The following TRAK1 variants were observed in gnomAD, a reference collection of about 807,000 sequenced individuals.
TRAK1 encodes the protein trafficking kinesin-binding protein 1.
A neutral mutation model predicts 92.1 loss-of-function variants in TRAK1; 33 were observed. The ratio of observed to expected loss-of-function variants is 0.36; its 90% CI spans 0.27 to 0.48. The LOEUF is 0.48. TRAK1 is among the 20% of genes least tolerant of loss of function. The pLI is 0.99. For synonymous variants in TRAK1, 521 were observed against 517.3 expected (o/e 1.01, Z -0.10); for missense variants, 1,123 against 1,257.9 (o/e 0.89, Z 1.62).
intron 2 of TRAK1, among the ~76,000 whole-genome samples, chr3:42,138,724 T>TA (rs56107300): frequency 0.36 from 47,712 of 133,066 alleles, 8,478 homozygotes; most frequent in Admixed American, 0.44. Flanking sequence ...CCATATCTAT[T>TA]AAAAAAAAAA....
intron 1 of TRAK1, among the ~76,000 whole-genome samples, chr3:42,041,137 T>A (rs1231174003): frequency 7.8e-6 from 1 of 128,936 alleles, no homozygotes. Context: ...TAATTTATGC[T>A]TAAAAAAAAA....
intron 7 of TRAK1, 80 bp from the exon 8 acceptor site, chr3:42,192,995 A>G (rs1220072577): frequency 6.4e-7 from 1 of 1,561,412 alleles, no homozygotes. Flanking sequence ...TCTTGTGCAA[A>G]CCACAAAGAA....
In TRAK1 at chr3:42,160,273, G is replaced by A. The variant is rs1309536703; in HGVS notation, c.287-16541G>A. 4.5e-6 allele frequency: 7 copies of A among 1,567,806 alleles called. No individual in the cohort carries two copies. The East Asian group carries it at 9.0e-5, about 20-fold the overall frequency. ...CGCAGTGTGTGCCCTGGGGGCCCAGGCCTGCATGGCTCCTCTGGGTAGGGG... is the reference window on the plus strand; with the variant it reads ...CGCAGTGTGTGCCCTGGGGGCCCAGACCTGCATGGCTCCTCTGGGTAGGGG... On this transcript the variant is annotated intron_variant, in intron 2 of 15. Transcript: ENST00000327628.
intron 14 of TRAK1, chr3:42,219,213 C>G (rs975033561): frequency 1.0e-6 from 1 of 985,176 alleles, no homozygotes; most frequent in Non-Finnish European, 1.2e-6. Flanking sequence ...CCTCCCACCC[C>G]CAGACTGGAT....
chr3:42,121,551 G>A (rs58280347), intron 1 of TRAK1, among the ~76,000 whole-genome samples: 1 of 152,114 alleles, frequency 6.6e-6, no homozygotes, highest in Non-Finnish European at 1.5e-5. Flanking sequence ...GAGCCACTGC[G>A]CCTGGCCTCC....
At chr3:42,216,858 A>G (rs1709755067) in intron 14 of TRAK1, among the ~76,000 whole-genome samples, 1 of 152,222 alleles carries the variant, frequency 6.6e-6, no homozygotes, top group South Asian at 2.1e-4. Context: ...TCAGGTTGAG[A>G]GAAAGAATAA....
At chr3:42,154,967 G>A (rs1330046199) in intron 2 of TRAK1, among the ~76,000 whole-genome samples, 1 of 152,006 alleles carries the variant, frequency 6.6e-6, no homozygotes, top group Admixed American at 6.6e-5. Context: ...TGAGGGTATA[G>A]CAGAGGAAAA....
chr3:42,090,879 C>T (rs575100798), upstream of TRAK1, among the ~76,000 whole-genome samples: 5 of 152,210 alleles, frequency 3.3e-5, no homozygotes, highest in South Asian at 4.1e-4. Context: ...CACTCTTATG[C>T]GTTTAAGGGA....
chr3:42,075,749 G>C (rs1291451713), intron 1 of TRAK1, among the ~76,000 whole-genome samples: 6 of 152,130 alleles, frequency 3.9e-5, no homozygotes, highest in African/African-American at 1.4e-4. Flanking sequence ...TAGTGATGTT[G>C]AGCTTTTTTT....
chr3:42,205,107 G>A (rs1708178214), intron 13 of TRAK1, among the ~76,000 whole-genome samples: 1 of 152,176 alleles, frequency 6.6e-6, no homozygotes, highest in African/African-American at 2.4e-5. Context: ...CATCAGACCA[G>A]ACTGTGGTGA....
intron 1 of TRAK1, among the ~76,000 whole-genome samples, chr3:42,040,196 CTTAT>C (rs963908644): frequency 2.6e-5 from 4 of 151,886 alleles, no homozygotes; most frequent in African/African-American, 7.3e-5. Context: ...TTAATGAAGT[CTTAT>C]TTATTTATTT....
At chr3:42,020,376 T>C (rs1477672421) in intron 1 of TRAK1, among the ~76,000 whole-genome samples, 2 of 152,234 alleles carry the variant, frequency 1.3e-5, no homozygotes, top group Admixed American at 6.5e-5. Context: ...TGTGCCTGTT[T>C]TGGGCTTCAT....
chr3:42,090,522 C>T (rs1704961902), upstream of TRAK1, among the ~76,000 whole-genome samples: 1 of 152,160 alleles, frequency 6.6e-6, no homozygotes, highest in Admixed American at 6.5e-5. Context: ...CCCGTCTCTA[C>T]TAAAAATATA....
intron 10 of TRAK1, among the ~76,000 whole-genome samples, chr3:42,195,969 G>A (rs576647875): frequency 6.9e-4 from 105 of 152,092 alleles, no homozygotes; most frequent in Non-Finnish European, 1.2e-3. Flanking sequence ...AGCTCCTGGC[G>A]CTGTCTTGTT....
rs554611668 is a variant in TRAK1, at chr3:42,148,482, T to A, written c.286+22868T>A. 3.9e-5 allele frequency among the ~76,000 whole-genome samples: 6 copies of A among 152,342 alleles called. No homozygotes were observed. In the South Asian group the frequency reaches 1.2e-3, roughly 32 times the overall value. Reference sequence around the variant, plus strand: ...TAGAACTAATATTAACTGTATTTTTTAAGGAAATAAAACATATGGGTGCAT... The same window carrying A: ...TAGAACTAATATTAACTGTATTTTTAAAGGAAATAAAACATATGGGTGCAT... On this transcript the variant is annotated intron_variant, in intron 2 of 15. Transcript: ENST00000327628.
chr3:42,118,322 C>T (rs949502380), intron 1 of TRAK1, among the ~76,000 whole-genome samples: 6 of 151,536 alleles, frequency 4.0e-5, no homozygotes, highest in African/African-American at 1.5e-4. Context: ...GAACTCCTGA[C>T]CTCAAGTGAT....
intron 1 of TRAK1, among the ~76,000 whole-genome samples, chr3:42,016,113 G>C (rs974375907): frequency 1.3e-5 from 2 of 152,080 alleles, no homozygotes; most frequent in African/African-American, 2.4e-5. Context: ...ACATTGAATG[G>C]AGTTCTTAAA....
At chr3:42,074,629 T>A (rs2148942078) in intron 1 of TRAK1, among the ~76,000 whole-genome samples, 1 of 152,110 alleles carries the variant, frequency 6.6e-6, no homozygotes, top group South Asian at 2.1e-4. Context: ...CTTCATTTAA[T>A]GTTCAGCAGC....
intron 5 of TRAK1, among the ~76,000 whole-genome samples, chr3:42,188,736 A>G (rs1441033787): frequency 6.6e-6 from 1 of 152,260 alleles, no homozygotes; most frequent in Non-Finnish European, 1.5e-5. Context: ...CATTGTGAGT[A>G]TTAAATAAAC....
Sources: allele counts gnomAD v4.1 joint callset (sites outside exome capture counted in the v4.1 genomes callset), GRCh38; gene constraint gnomAD v4.1.1; transcripts MANE v1.5; gene names NCBI Gene and HGNC (gene_info 2026-07-23, HGNC 2026-07-21).